The following SNX1 variants were observed in gnomAD, a reference collection of about 807,000 sequenced individuals.
SNX1 encodes sorting nexin-1.
Under a neutral mutation model 71.8 loss-of-function variants are expected in SNX1, and 36 were observed. That is an observed-to-expected ratio of 0.50 (90% CI 0.38 to 0.66). The LOEUF is 0.66. Ranked by LOEUF, SNX1 falls within the 30% of genes least tolerant of loss-of-function variation. SNX1 has a pLI of 0.00. For synonymous variants in SNX1, 254 were observed against 240.7 expected (o/e 1.06, Z -0.51); for missense variants, 612 against 646.7 (o/e 0.95, Z 0.58).
intron 4 of SNX1, 28 bp downstream of exon 4, chr15:64,118,882 T>C (rs757220429): frequency 7.7e-6 from 12 of 1,563,390 alleles, no homozygotes; most frequent in Middle Eastern, 1.7e-4. Flanking sequence ...CTCCTTGTGA[T>C]GTTAGGATGT....
rs988953770 is a variant in SNX1 at position 64,140,585 on chromosome 15, T to A, written c.*2967T>A. 10 of 152,162 alleles carry A rather than the reference T, an allele frequency of 6.6e-5. No homozygotes were observed. Among genetic ancestry groups the A allele is most frequent in the African/African-American group, 1.9e-4 (8 of 41,432 alleles). 9.4% of individuals were successfully genotyped at this position (152,162 alleles called of 1,614,324 possible). ...TTTATTTATTTTTATTTGATTTGAT[T>A]ATTATTACTATTTTTGAGACAGAGT... On this transcript the variant is annotated 3_prime_UTR_variant, in exon 15 of 15. Coordinates refer to ENST00000559844, the MANE Select transcript of SNX1 (RefSeq NM_003099.5).
Position 64,096,030 on chromosome 15 carries a change from G to C in SNX1, c.17G>C (p.Gly6Ala). MASGG[G>A]GCSASERLPP... The stretch of plus-strand genomic sequence containing the variant: ...TGGAAGAAGATGGCGTCGGGTGGTG[G>C]TGGCTGTAGCGCTTCGGAGAGACTG... Residue 6 changes from glycine to alanine, a missense_variant, in exon 1 of 15, where the codon GGT (glycine) becomes GCT (alanine). Physicochemically the swap from Gly to Ala is moderately conservative, Grantham distance 60. Transcript: ENST00000559844. 3 of 1,595,668 alleles carry C rather than the reference G, an allele frequency of 1.9e-6. No individual in the cohort carries two copies. The highest frequency in any genetic ancestry group is 2.6e-6 in the Non-Finnish European group (3 of 1,175,172).
intron 1 of SNX1, among the ~76,000 whole-genome samples, chr15:64,098,564 G>A (rs1462908601): frequency 7.9e-5 from 12 of 151,948 alleles, no homozygotes; most frequent in Admixed American, 7.2e-4. Flanking sequence ...ATGGTGGCAC[G>A]TGCCTGTAAT....
intron 5 of SNX1, among the ~76,000 whole-genome samples, chr15:64,123,901 A>G (rs1015857297): frequency 6.6e-6 from 1 of 152,080 alleles, no homozygotes; most frequent in African/African-American, 2.4e-5. Context: ...GAGCTTTTTT[A>G]AATACTTAAC....
chr15:64,109,047 G>A (rs1054920763), intron 1 of SNX1, among the ~76,000 whole-genome samples: 1 of 151,010 alleles, frequency 6.6e-6, no homozygotes, highest in African/African-American at 2.4e-5. Context: ...ATATGCGAGA[G>A]AAAGGGTTAA....
rs973875336 is a variant in SNX1, at chr15:64,129,225, C to T, written c.808-691C>T. On this transcript the variant is annotated intron_variant, in intron 8 of 14. Coordinates refer to ENST00000559844, the MANE Select transcript of SNX1 (RefSeq NM_003099.5). This position sits in a 1 kb window ranked among gnomAD's most constrained non-coding sequence, Gnocchi z 4.4. ...TCGTGCCACTGCACTCCAGCCTGGG[C>T]GACAAGAGCAAGACTCCGTCTCAAA... 2.7e-5 allele frequency among the ~76,000 whole-genome samples: 4 copies of T among 149,706 alleles called. No homozygotes were observed. Among genetic ancestry groups the T allele is most frequent in the East Asian group, 2.0e-4 (1 of 5,128 alleles).
At chr15:64,101,734 A>G (rs2080963768) in intron 1 of SNX1, among the ~76,000 whole-genome samples, 3 of 152,196 alleles carry the variant, frequency 2.0e-5, no homozygotes. Flanking sequence ...AGCTTTTTAA[A>G]ACCTGTTTAA....
intron 1 of SNX1, among the ~76,000 whole-genome samples, chr15:64,106,102 AT>A (rs1344928893): frequency 1.2e-4 from 19 of 152,226 alleles, no homozygotes; most frequent in Admixed American, 1.2e-3. Flanking sequence ...TTTGAGATCT[AT>A]AAAAACCATA....
rs908880880 is a variant in SNX1 at position 64,139,764 on chromosome 15, T to G, written c.*2146T>G. ...CCTTTGTAGCCATTCTTTTACCTTG[T>G]GCAGGATCATGTTACATTTGTAAAC... On this transcript the variant is annotated 3_prime_UTR_variant, in exon 15 of 15. Transcript: ENST00000559844. 6.6e-5 allele frequency: 10 copies of G among 152,230 alleles called. No individual in the cohort carries two copies. Among genetic ancestry groups the G allele is most frequent in the Admixed American group, 2.0e-4 (3 of 15,286 alleles). The allele number at this position is 152,230 out of a possible 1,614,324, so 9.4% of individuals were successfully genotyped here. A position where few individuals can be genotyped will look rare whatever the true frequency, so the allele number is the denominator to read the frequency against.
chr15:64,136,195 A>T (rs995179990), intron 12 of SNX1, 135 bp from the exon 13 acceptor site: 2 of 691,344 alleles, frequency 2.9e-6, no homozygotes, highest in Non-Finnish European at 5.2e-6. Context: ...CCTCTGTGAC[A>T]CCTCATCTTA....
intron 4 of SNX1, among the ~76,000 whole-genome samples, chr15:64,122,583 C>T (rs2081206801): frequency 6.6e-6 from 1 of 152,102 alleles, no homozygotes; most frequent in Admixed American, 6.5e-5. Context: ...TCCCTTGGCC[C>T]CTCACCCCTC....
intron 5 of SNX1, 34 bp from the exon 6 acceptor site, chr15:64,126,045 A>G: frequency 2.5e-6 from 4 of 1,613,084 alleles, no homozygotes; most frequent in Non-Finnish European, 2.5e-6. Context: ...CCTATTTGGA[A>G]TGAAATTGCC....
intron 11 of SNX1, among the ~76,000 whole-genome samples, chr15:64,132,602 A>G (rs565987332): frequency 6.6e-6 from 1 of 152,290 alleles, no homozygotes; most frequent in East Asian, 1.9e-4. Flanking sequence ...AAGACAGAGG[A>G]AAGAACCAAG....
chr15:64,126,237 TC>T lies in SNX1; in HGVS notation c.652+18del. ...GCCTCATAGGTAAGCCTGTGGTCTT[TC>T]ATTCCACTTGGATTGTTTTCCTTTG... On this transcript the variant is annotated intron_variant, in intron 6 of 14. Transcript: ENST00000559844. 6.2e-7 allele frequency: 1 copy of T among 1,608,046 alleles called. No individual in the cohort carries two copies. Among genetic ancestry groups the T allele is most frequent in the Non-Finnish European group, 8.5e-7 (1 of 1,178,296 alleles).
chr15:64,098,792 G>A (rs1297941452), intron 1 of SNX1, among the ~76,000 whole-genome samples: 1 of 150,546 alleles, frequency 6.6e-6, no homozygotes, highest in Non-Finnish European at 1.5e-5. Context: ...CCTCTTTTTT[G>A]TAAGACTGTA....
chr15:64,122,044 C>G (rs990453022), intron 4 of SNX1, among the ~76,000 whole-genome samples: 2 of 152,186 alleles, frequency 1.3e-5, no homozygotes, highest in African/African-American at 4.8e-5. Context: ...TGTGTGCTCT[C>G]TATGTACATG....
intron 1 of SNX1, among the ~76,000 whole-genome samples, chr15:64,109,949 T>A (rs2081062465): frequency 6.6e-6 from 1 of 152,240 alleles, no homozygotes; most frequent in Non-Finnish European, 1.5e-5. Context: ...GAGCCTTTGA[T>A]ACCACAATTC....
intron 4 of SNX1, among the ~76,000 whole-genome samples, chr15:64,122,982 G>A (rs938752151): frequency 3.3e-5 from 5 of 152,182 alleles, no homozygotes; most frequent in African/African-American, 1.2e-4. Flanking sequence ...GATCAGAGAG[G>A]TCAGTGTCCC....
chr15:64,127,692 C>T (rs982123189), intron 7 of SNX1, 39 bp from the exon 8 acceptor site: 27 of 1,512,356 alleles, frequency 1.8e-5, no homozygotes, highest in Non-Finnish European at 2.5e-5. Flanking sequence ...CCTTCTGAGG[C>T]CAGCTCAACT....
Sources: gnomAD v4.1 joint callset for allele counts (sites outside exome capture counted in the v4.1 genomes callset) on GRCh38, gnomAD v4.1.1 for gene constraint, Gnocchi (gnomAD v3.1) non-coding constraint, MANE v1.5 for transcripts, NCBI Gene and HGNC (gene_info 2026-07-23, HGNC 2026-07-21) for gene names.